C10orf143: variants seen among roughly 807,000 people sequenced by gnomAD.
C10orf143 encodes uncharacterized protein C10orf143.
At chr10:130,090,848 T>C (rs1861369961) in intron 1 of C10orf143, among the ~76,000 whole-genome samples, 1 of 152,170 alleles carries the variant, frequency 6.6e-6, no homozygotes, top group Non-Finnish European at 1.5e-5. Context: ...AAAGCCACTG[T>C]AGCCAGACTG....
At chr10:130,053,351 G>A (rs1464215006) in intron 3 of C10orf143, among the ~76,000 whole-genome samples, 7 of 152,204 alleles carry the variant, frequency 4.6e-5, no homozygotes, top group African/African-American at 9.7e-5. Context: ...GATTACAGGC[G>A]TGAGCCACCA....
chr10:130,050,471 C>A (rs1385239588), intron 3 of C10orf143, among the ~76,000 whole-genome samples: 1 of 152,196 alleles, frequency 6.6e-6, no homozygotes, highest in Non-Finnish European at 1.5e-5. Context: ...CTGCAGTGAG[C>A]CCTGGTTGCT....
chr10:130,042,275 A>C (rs1860616415), intron 3 of C10orf143, among the ~76,000 whole-genome samples: 1 of 152,254 alleles, frequency 6.6e-6, no homozygotes, highest in African/African-American at 2.4e-5. Context: ...GCAAACGTTA[A>C]CCACTTTCAC....
chr10:130,056,556 T>C lies in C10orf143; in HGVS notation c.298-20586A>G, dbSNP rs1004085722. ...AAGGGTTGAGCCATTGAGAGTTTTT[T>C]ATTTCTTTCATTTTTTTAAATTAAA... is the stretch of plus-strand genomic sequence containing the variant. On this transcript the variant is annotated intron_variant and NMD_transcript_variant, in intron 3 of 5. Transcript: ENST00000643056. This position sits in a 1 kb window ranked among gnomAD's most constrained non-coding sequence, Gnocchi z 4.6. Among the ~76,000 whole-genome samples the C allele has an allele frequency of 1.2e-4, 18 of 152,206 alleles. No individual in the cohort carries two copies. Among genetic ancestry groups the C allele is most frequent in the African/African-American group, 3.6e-4 (15 of 41,458 alleles).
intron 1 of C10orf143, chr10:130,106,136 A>T: frequency 1.4e-6 from 1 of 738,870 alleles, no homozygotes; most frequent in Non-Finnish European, 2.4e-6. Context: ...TGAAAGTATG[A>T]GACTGGATTC....
intron 1 of C10orf143, among the ~76,000 whole-genome samples, chr10:130,103,135 C>T (rs953980060): frequency 1.8e-4 from 27 of 152,150 alleles, no homozygotes; most frequent in Admixed American, 1.6e-3. Context: ...TGAGCCACTA[C>T]GCCCAGCTAA....
chr10:130,039,600 A>G (rs1250739303), intron 3 of C10orf143, among the ~76,000 whole-genome samples: 1 of 152,188 alleles, frequency 6.6e-6, no homozygotes, highest in African/African-American at 2.4e-5. Flanking sequence ...ACATTCTCAC[A>G]GACACACCCA....
intron 1 of C10orf143, among the ~76,000 whole-genome samples, chr10:130,094,339 C>G (rs909043987): frequency 2.6e-5 from 4 of 152,138 alleles, no homozygotes; most frequent in African/African-American, 9.7e-5. Flanking sequence ...CTATTCCAAA[C>G]AACAGAAAAA....
intron 3 of C10orf143, among the ~76,000 whole-genome samples, chr10:130,078,236 C>CA (rs1485188466): frequency 6.6e-6 from 1 of 151,986 alleles, no homozygotes; most frequent in Non-Finnish European, 1.5e-5. Context: ...CATGCCAGAA[C>CA]ACAAGCTCTC....
chr10:130,063,368 A>T (rs1860878320), downstream of C10orf143, among the ~76,000 whole-genome samples: 1 of 152,176 alleles, frequency 6.6e-6, no homozygotes. Flanking sequence ...CTTCATAAAG[A>T]TCTTTCGTAA....
At chr10:130,097,600 T>C (rs1861482497) in intron 1 of C10orf143, among the ~76,000 whole-genome samples, 1 of 152,180 alleles carries the variant, frequency 6.6e-6, no homozygotes, top group South Asian at 2.1e-4. Context: ...AGTATCCATC[T>C]AAGAGATATG....
chr10:130,088,697 A>G (rs1239425547), intron 1 of C10orf143, among the ~76,000 whole-genome samples: 1 of 152,226 alleles, frequency 6.6e-6, no homozygotes, highest in Non-Finnish European at 1.5e-5. Context: ...ACGGATGCCC[A>G]TTGGTCTGAA....
downstream of C10orf143, among the ~76,000 whole-genome samples, chr10:130,062,685 C>G (rs1860869589): frequency 6.6e-6 from 1 of 152,170 alleles, no homozygotes; most frequent in Non-Finnish European, 1.5e-5. Flanking sequence ...TTGCAGACGG[C>G]CTATTGTGGG....
chr10:130,052,927 A>T (rs1271721031), intron 3 of C10orf143, among the ~76,000 whole-genome samples: 1 of 152,204 alleles, frequency 6.6e-6, no homozygotes. Flanking sequence ...CGTACAGTAA[A>T]CCTTTGCAGC....
At chr10:130,045,731 C>T (rs1860660469) in intron 3 of C10orf143, among the ~76,000 whole-genome samples, 2 of 152,252 alleles carry the variant, frequency 1.3e-5, no homozygotes, top group African/African-American at 2.4e-5. Context: ...GTCACAGCCA[C>T]GTCCCGCCAC....
chr10:130,095,721 G>A (rs773312141), intron 1 of C10orf143, among the ~76,000 whole-genome samples: 2 of 90,824 alleles, frequency 2.2e-5, no homozygotes, highest in Non-Finnish European at 5.2e-5. Flanking sequence ...AATAGTGTTG[G>A]GAAGACTGGC....
chr10:130,093,741 G>A lies in C10orf143; in HGVS notation c.70-13840C>T, dbSNP rs995927955. On this transcript the variant is annotated intron_variant, in intron 1 of 3. Coordinates refer to ENST00000637128, the MANE Select transcript of C10orf143 (RefSeq NM_001355042.2). Reference sequence around the variant, plus strand: ...AAAAATGATAAAGGGGGCCAGGCGCGGTGGCTCACACCTGTAATCCCAGCA... The same window carrying A: ...AAAAATGATAAAGGGGGCCAGGCGCAGTGGCTCACACCTGTAATCCCAGCA... 7.2e-5 allele frequency among the ~76,000 whole-genome samples: 11 copies of A among 152,064 alleles called. No homozygotes were observed. In the East Asian group the frequency reaches 9.7e-4, roughly 13 times the overall value.
At chr10:130,046,401 G>A (rs905465901) in intron 3 of C10orf143, among the ~76,000 whole-genome samples, 1 of 152,098 alleles carries the variant, frequency 6.6e-6, no homozygotes, top group Admixed American at 6.5e-5. Flanking sequence ...GACCCCACAC[G>A]GAAGGCAGTC....
downstream of C10orf143, among the ~76,000 whole-genome samples, chr10:130,061,217 C>T (rs886552337): frequency 2.0e-5 from 3 of 152,148 alleles, no homozygotes; most frequent in Non-Finnish European, 4.4e-5. Flanking sequence ...AAAGGACGCA[C>T]ATCAAAATGT....
Sources: gnomAD v4.1 joint callset for allele counts (sites outside exome capture counted in the v4.1 genomes callset) on GRCh38, gnomAD v4.1.1 for gene constraint, Gnocchi (gnomAD v3.1) non-coding constraint, MANE v1.5 for transcripts, NCBI Gene and HGNC (gene_info 2026-07-23, HGNC 2026-07-21) for gene names.